Variants in CTNNA2 observed in about 807,000 individuals in gnomAD.
CTNNA2 encodes the protein catenin alpha 2.
A neutral mutation model predicts 101.0 loss-of-function variants in CTNNA2; 42 were observed. The ratio of observed to expected loss-of-function variants is 0.42; its 90% confidence interval spans 0.32 to 0.54. CTNNA2 has a LOEUF of 0.54. CTNNA2 is among the 20% of genes least tolerant of loss of function. The probability of loss-of-function intolerance (pLI) is 0.14; values close to 1 mark genes in which losing one functional copy is unlikely to be tolerated. For missense variants in CTNNA2, 871 were observed against 1,223.1 expected (o/e 0.71, Z 4.29); for synonymous variants, 450 against 456.4 (o/e 0.99, Z 0.18).
intron 3 of CTNNA2, among the ~76,000 whole-genome samples, chr2:79,849,454 A>G (rs1487566555): frequency 6.6e-6 from 1 of 152,080 alleles, no homozygotes; most frequent in African/African-American, 2.4e-5. Context: ...TTTAATGCAG[A>G]TTCTGCTTGA....
At chr2:79,191,890 A>C (rs990296645) in intron 1 of CTNNA2, among the ~76,000 whole-genome samples, 4 of 152,162 alleles carry the variant, frequency 2.6e-5, no homozygotes, top group Admixed American at 2.0e-4. Context: ...TATATGTGAA[A>C]ATGTGAAATG....
chr2:79,283,157 A>T (rs1675447539), intron 2 of CTNNA2, among the ~76,000 whole-genome samples: 1 of 96,212 alleles, frequency 1.0e-5, no homozygotes, highest in Non-Finnish European at 2.4e-5. Context: ...TCTGGATATT[A>T]GCCCTTTGTC....
intron 3 of CTNNA2, among the ~76,000 whole-genome samples, chr2:79,796,157 A>G (rs1239619861): frequency 6.6e-6 from 1 of 152,126 alleles, no homozygotes; most frequent in Non-Finnish European, 1.5e-5. Context: ...CTGGACAGGC[A>G]CCCGTCTTAA....
chr2:80,511,465 G>A (rs1347415228), intron 9 of CTNNA2, among the ~76,000 whole-genome samples: 1 of 152,158 alleles, frequency 6.6e-6, no homozygotes, highest in Non-Finnish European at 1.5e-5. Flanking sequence ...CTATCCCAGT[G>A]TAGGGAGTGC....
At chr2:80,108,278 T>C (rs1042409113) in intron 7 of CTNNA2, among the ~76,000 whole-genome samples, 1 of 152,198 alleles carries the variant, frequency 6.6e-6, no homozygotes, top group Non-Finnish European at 1.5e-5. Flanking sequence ...GGCTGTCACA[T>C]TGGAAACAGT....
At chr2:79,445,507 T>C (rs997303365) in intron 4 of CTNNA2, among the ~76,000 whole-genome samples, 3 of 152,128 alleles carry the variant, frequency 2.0e-5, no homozygotes, top group African/African-American at 7.2e-5. Flanking sequence ...TTTGAAAGGG[T>C]GAAGTGATAA....
At chr2:80,043,574 A>C (rs538990761) in intron 7 of CTNNA2, among the ~76,000 whole-genome samples, 1 of 152,244 alleles carries the variant, frequency 6.6e-6, no homozygotes, top group South Asian at 2.1e-4. Context: ...TTGCGGGTTG[A>C]ATGCAGAGCT....
At chr2:79,588,761 A>T (rs1463398833) in intron 1 of CTNNA2, among the ~76,000 whole-genome samples, 1 of 152,140 alleles carries the variant, frequency 6.6e-6, no homozygotes, top group East Asian at 1.9e-4. Flanking sequence ...TTTTTCCAAG[A>T]CTTGAAGCCT....
chr2:79,855,962 C>A (rs563030060), intron 3 of CTNNA2, among the ~76,000 whole-genome samples: 1 of 152,222 alleles, frequency 6.6e-6, no homozygotes, highest in Non-Finnish European at 1.5e-5. Context: ...TTGCCAATGA[C>A]TTTTTTTATT....
intron 8 of CTNNA2, among the ~76,000 whole-genome samples, chr2:80,410,465 T>C (rs150076987): frequency 6.6e-6 from 1 of 152,342 alleles, no homozygotes; most frequent in Non-Finnish European, 1.5e-5. Context: ...TAATATTCCT[T>C]TGTCACACAT....
At chr2:79,477,494 T>G (rs568411101) in intron 4 of CTNNA2, among the ~76,000 whole-genome samples, 1 of 152,154 alleles carries the variant, frequency 6.6e-6, no homozygotes. Context: ...CTAACTCCCT[T>G]CTTTACCTCC....
intron 9 of CTNNA2, among the ~76,000 whole-genome samples, chr2:80,524,854 G>T (rs532172900): frequency 6.6e-6 from 1 of 152,056 alleles, no homozygotes; most frequent in African/African-American, 2.4e-5. Flanking sequence ...ACTGTAGCAC[G>T]TTTGTATTTG....
chr2:80,357,791 A>G (rs78776317), intron 7 of CTNNA2, among the ~76,000 whole-genome samples: 4,408 of 152,242 alleles, frequency 0.029, 113 homozygotes, highest in African/African-American at 0.065. Flanking sequence ...ATTCACATAG[A>G]TAATACCATC....
At chr2:80,411,666 A>C (rs1679584215) in intron 8 of CTNNA2, among the ~76,000 whole-genome samples, 1 of 152,176 alleles carries the variant, frequency 6.6e-6, no homozygotes, top group Non-Finnish European at 1.5e-5. Flanking sequence ...CAGCTTGTGT[A>C]TGTTAGTATT....
intron 2 of CTNNA2, among the ~76,000 whole-genome samples, chr2:79,273,814 T>C (rs1178831198): frequency 6.6e-6 from 1 of 152,036 alleles, no homozygotes; most frequent in Non-Finnish European, 1.5e-5. Context: ...ACTTTTTTTT[T>C]TTTTCTAAAT....
chr2:79,268,075 G>A (rs1342185013), intron 2 of CTNNA2, among the ~76,000 whole-genome samples: 2 of 152,248 alleles, frequency 1.3e-5, no homozygotes, highest in Middle Eastern at 3.4e-3. Flanking sequence ...GAGAGCCAGT[G>A]ATATTGAGAA....
At chr2:79,855,520 C>A (rs1037349897) in intron 3 of CTNNA2, among the ~76,000 whole-genome samples, 48 of 152,176 alleles carry the variant, frequency 3.2e-4, no homozygotes, top group Admixed American at 2.6e-4. Context: ...TTGGTTCATT[C>A]CGAATGTTCA....
At chr2:80,283,026 GAATTA>G (rs1195272002) in intron 7 of CTNNA2, among the ~76,000 whole-genome samples, 1 of 151,986 alleles carries the variant, frequency 6.6e-6, no homozygotes, top group Admixed American at 6.6e-5. Context: ...AATCTTATAA[GAATTA>G]AATTAAAGAA....
At chr2:80,108,526 A>G (rs972255917) in intron 7 of CTNNA2, among the ~76,000 whole-genome samples, 2 of 152,176 alleles carry the variant, frequency 1.3e-5, no homozygotes, top group Non-Finnish European at 1.5e-5. Flanking sequence ...TGCTGAGCCC[A>G]TGCTCATTCA....
Sources: gnomAD v4.1 joint callset for allele counts (sites outside exome capture counted in the v4.1 genomes callset) on GRCh38, gnomAD v4.1.1 for gene constraint, MANE v1.5 for transcripts, NCBI Gene and HGNC (gene_info 2026-07-23, HGNC 2026-07-21) for gene names.